Variants in ZNF804A observed in about 807,000 individuals in gnomAD.
ZNF804A encodes zinc finger protein 804A.
ZNF804A carries 2 observed loss-of-function variants against 16.5 expected under a neutral mutation model. The observed-to-expected ratio is 0.12, with a 90% CI of 0.05 to 0.38. The LOEUF is 0.38. Ranked by LOEUF, ZNF804A falls within the 10% of genes least tolerant of loss-of-function variation. The pLI, the probability that ZNF804A is intolerant of heterozygous loss-of-function variation, is 0.99. For missense variants in ZNF804A, 1,473 were observed against 1,390.7 expected (o/e 1.06, Z -0.94); for synonymous variants, 534 against 489.6 (o/e 1.09, Z -1.20).
intron 1 of ZNF804A, among the ~76,000 whole-genome samples, chr2:184,623,979 C>T (rs944077681): frequency 6.6e-6 from 1 of 152,128 alleles, no homozygotes; most frequent in Admixed American, 6.6e-5. Flanking sequence ...AATCAGTATG[C>T]TTATTTAAAC....
rs563465061 is a variant in ZNF804A at position 184,696,176 on chromosome 2, T to G, written c.111+97106T>G. 5.3e-5 allele frequency among the ~76,000 whole-genome samples: 8 copies of G among 152,228 alleles called. No individual in the cohort carries two copies. In the East Asian group the frequency reaches 1.4e-3, roughly 26 times the overall value. ...CCTTCTTAGTTAGAGGACAAAATAC[T>G]TAGTTTTTAAGGGGCTAAGAATCAG... On this transcript the variant is annotated intron_variant, in intron 1 of 3. Transcript: ENST00000302277.
intron 1 of ZNF804A, among the ~76,000 whole-genome samples, chr2:184,815,945 T>C (rs1300619050): frequency 6.6e-6 from 1 of 152,010 alleles, no homozygotes; most frequent in African/African-American, 2.4e-5. Flanking sequence ...CTTGTTTTGA[T>C]ACATATAAAC....
At chr2:184,836,397 T>C (rs1052893190) in intron 1 of ZNF804A, among the ~76,000 whole-genome samples, 1 of 151,976 alleles carries the variant, frequency 6.6e-6, no homozygotes, top group Non-Finnish European at 1.5e-5. Flanking sequence ...TGGGAATAAG[T>C]CATTACAGAC....
At chr2:184,798,674 C>A (rs979784543) in intron 1 of ZNF804A, among the ~76,000 whole-genome samples, 1 of 152,144 alleles carries the variant, frequency 6.6e-6, no homozygotes, top group Admixed American at 6.6e-5. Context: ...TTGGGCTTCA[C>A]CTTTCTCTGG....
chr2:184,618,098 T>C (rs912922639), intron 1 of ZNF804A, among the ~76,000 whole-genome samples: 1 of 152,120 alleles, frequency 6.6e-6, no homozygotes, highest in Non-Finnish European at 1.5e-5. Context: ...AAGTAATGAA[T>C]AATATGCATT....
chr2:184,749,594 C>T lies in ZNF804A; in HGVS notation c.112-116775C>T, dbSNP rs139429410. Among the ~76,000 whole-genome samples the T allele has an allele frequency of 2.6e-4, 39 of 151,158 alleles. No homozygotes were observed. In the East Asian group the frequency reaches 7.0e-3, roughly 27 times the overall value. ...TCTTTCTCTTGCCTCATTACTCTGG[C>T]GAGGGATTCTACATCTAAAAAATAT... On this transcript the variant is annotated intron_variant, in intron 1 of 3. Transcript: ENST00000302277.
chr2:184,879,824 T>C (rs1684780948), intron 2 of ZNF804A, among the ~76,000 whole-genome samples: 1 of 152,038 alleles, frequency 6.6e-6, no homozygotes, highest in Admixed American at 6.6e-5. Flanking sequence ...CCAAGATGAA[T>C]GTGCTACTGA....
intron 1 of ZNF804A, among the ~76,000 whole-genome samples, chr2:184,689,175 C>G (rs1383142225): frequency 6.6e-6 from 1 of 152,130 alleles, no homozygotes; most frequent in African/African-American, 2.4e-5. Flanking sequence ...CTCTGACAGT[C>G]TGAGCATCTC....
At chr2:184,836,010 AT>A (rs1695339970) in intron 1 of ZNF804A, among the ~76,000 whole-genome samples, 1 of 152,166 alleles carries the variant, frequency 6.6e-6, no homozygotes, top group Non-Finnish European at 1.5e-5. Flanking sequence ...GCAGATTTAA[AT>A]CCTAACTTTG....
At chr2:184,792,601 T>C (rs1393715975) in intron 1 of ZNF804A, among the ~76,000 whole-genome samples, 1 of 152,150 alleles carries the variant, frequency 6.6e-6, no homozygotes, top group Non-Finnish European at 1.5e-5. Context: ...GCAAATGATT[T>C]CTCCTAGTCT....
chr2:184,655,627 T>C (rs2105703042), intron 1 of ZNF804A, among the ~76,000 whole-genome samples: 1 of 152,274 alleles, frequency 6.6e-6, no homozygotes, highest in East Asian at 1.9e-4. Context: ...TAGATATAGG[T>C]TCAATGAAAT....
intron 1 of ZNF804A, among the ~76,000 whole-genome samples, chr2:184,642,781 A>C (rs1466351327): frequency 6.6e-6 from 1 of 152,170 alleles, no homozygotes; most frequent in African/African-American, 2.4e-5. Flanking sequence ...AGAAGTCTAA[A>C]GAGCACATTC....
At chr2:184,732,531 C>G (rs1693536946) in intron 1 of ZNF804A, among the ~76,000 whole-genome samples, 1 of 152,004 alleles carries the variant, frequency 6.6e-6, no homozygotes, top group Non-Finnish European at 1.5e-5. Flanking sequence ...TTTTCCCTCT[C>G]CCTATAAATT....
At chr2:184,852,464 CTT>C (rs550514423) in intron 1 of ZNF804A, among the ~76,000 whole-genome samples, 47 of 110,746 alleles carry the variant, frequency 4.2e-4, no homozygotes, top group African/African-American at 1.3e-3. Context: ...TTTGACTATG[CTT>C]TTTTTTTTTT....
intron 1 of ZNF804A, among the ~76,000 whole-genome samples, chr2:184,702,643 T>C (rs561758064): frequency 6.6e-6 from 1 of 152,110 alleles, no homozygotes; most frequent in Non-Finnish European, 1.5e-5. Flanking sequence ...AAAGATATTA[T>C]CCTGATTAAC....
rs188285196 is a variant in ZNF804A, at chr2:184,817,532, A to G, written c.112-48837A>G. 1.0e-3 allele frequency among the ~76,000 whole-genome samples: 154 copies of G among 152,142 alleles called. 3 individuals are homozygous for G. Among genetic ancestry groups the G allele is most frequent in the South Asian group, 6.6e-3 (32 of 4,832 alleles). ...TGACCACAATACCTCTCCAACAAGG[A>G]CACAGAACTGGGCTCTGGCCAAGAT... On this transcript the variant is annotated intron_variant, in intron 1 of 3. Transcript: ENST00000302277.
intron 1 of ZNF804A, among the ~76,000 whole-genome samples, chr2:184,756,041 C>G (rs1241486005): frequency 2.0e-5 from 3 of 151,874 alleles, no homozygotes; most frequent in Non-Finnish European, 2.9e-5. Context: ...TGTATGAACA[C>G]AAGTAAATAT....
At chr2:184,828,510 A>T (rs1275482761) in intron 1 of ZNF804A, among the ~76,000 whole-genome samples, 1 of 151,200 alleles carries the variant, frequency 6.6e-6, no homozygotes, top group East Asian at 1.9e-4. Context: ...AAATTTCCAA[A>T]TTTTCCTTCA....
intron 1 of ZNF804A, among the ~76,000 whole-genome samples, chr2:184,681,741 A>G (rs1692543912): frequency 6.6e-6 from 1 of 152,226 alleles, no homozygotes; most frequent in Non-Finnish European, 1.5e-5. Flanking sequence ...GGCCAGGAAC[A>G]GGAGGGAGTC....
Sources: gnomAD v4.1 joint callset for allele counts (sites outside exome capture counted in the v4.1 genomes callset) on GRCh38, gnomAD v4.1.1 for gene constraint, MANE v1.5 for transcripts, NCBI Gene and HGNC (gene_info 2026-07-23, HGNC 2026-07-21) for gene names.